The following CTNNA2 variants were observed in gnomAD, a reference collection of about 807,000 sequenced individuals.
The protein encoded by CTNNA2 is catenin alpha-2.
Under a neutral mutation model 101.0 loss-of-function variants are expected in CTNNA2, and 42 were observed. The observed-to-expected ratio is 0.42, with a 90% confidence interval of 0.32 to 0.54. The LOEUF (loss-of-function observed/expected upper bound fraction) is 0.54. Among genes scored for constraint, CTNNA2 ranks in the 20% least tolerant of loss-of-function variants. CTNNA2 has a pLI of 0.14. For missense variants in CTNNA2, 871 were observed against 1,223.1 expected, an observed-to-expected ratio of 0.71 and a Z score of 4.29; for synonymous variants, 450 against 456.4, an observed-to-expected ratio of 0.99 and a Z score of 0.18.
chr2:79,852,308 C>T (rs1180532294), intron 3 of CTNNA2, among the ~76,000 whole-genome samples: 1 of 152,020 alleles, frequency 6.6e-6, no homozygotes, highest in Non-Finnish European at 1.5e-5. Context: ...TTTTTTAGTT[C>T]TCTTAAGGAG....
chr2:80,202,055 A>G (rs1185146070), intron 7 of CTNNA2, among the ~76,000 whole-genome samples: 1 of 152,026 alleles, frequency 6.6e-6, no homozygotes, highest in African/African-American at 2.4e-5. Context: ...TATTTTCCCT[A>G]CTAGCTTCAA....
At chr2:79,566,104 CAGG>C (rs1473910539) in intron 1 of CTNNA2, among the ~76,000 whole-genome samples, 4 of 151,948 alleles carry the variant, frequency 2.6e-5, no homozygotes, top group Non-Finnish European at 5.9e-5. Context: ...AAGAAGCAAG[CAGG>C]AGAAGAACTA....
At chr2:79,515,191 G>A (rs181189157) in intron 1 of CTNNA2, among the ~76,000 whole-genome samples, 2 of 152,260 alleles carry the variant, frequency 1.3e-5, no homozygotes. Context: ...ACATCCTGAT[G>A]CAGATTGCAG....
rs185651141 is a variant in CTNNA2, at chr2:79,356,014, G to A, written c.-317-17817G>A. On this transcript the variant is annotated intron_variant, in intron 3 of 21. Coordinates refer to the CTNNA2 transcript ENST00000466387. ...TATATATAACTCTTTGTATAACCAC[G>A]TAACTGTTTACTAATGTGGCTGCAG... Among the ~76,000 whole-genome samples, 486 of 151,786 alleles carry A rather than the reference G, an allele frequency of 3.2e-3. 4 individuals are homozygous for A. The highest frequency in any genetic ancestry group is 0.01 in the African/African-American group (425 of 41,432).
chr2:80,225,960 T>C (rs1363638218), intron 7 of CTNNA2, among the ~76,000 whole-genome samples: 1 of 152,232 alleles, frequency 6.6e-6, no homozygotes, highest in Non-Finnish European at 1.5e-5. Flanking sequence ...TTGATCTCAA[T>C]TCAGAAAGAG....
intron 2 of CTNNA2, among the ~76,000 whole-genome samples, chr2:79,654,275 T>C (rs952568079): frequency 1.8e-4 from 27 of 152,224 alleles, no homozygotes; most frequent in Non-Finnish European, 3.4e-4. Flanking sequence ...TCTGTGTTAG[T>C]TTCCAATTGC....
chr2:80,099,969 G>A (rs543400637), intron 7 of CTNNA2, among the ~76,000 whole-genome samples: 19 of 151,948 alleles, frequency 1.3e-4, no homozygotes, highest in South Asian at 4.2e-4. Flanking sequence ...TTGCTCTGTC[G>A]CCCAGGCTGG....
intron 6 of CTNNA2, among the ~76,000 whole-genome samples, chr2:79,894,150 A>G (rs1339907695): frequency 6.6e-6 from 1 of 151,424 alleles, no homozygotes; most frequent in Admixed American, 6.6e-5. Context: ...TAATATAGCC[A>G]TTGAATCCAG....
intron 2 of CTNNA2, among the ~76,000 whole-genome samples, chr2:79,673,570 G>T (rs1457001592): frequency 6.6e-6 from 1 of 152,004 alleles, no homozygotes; most frequent in African/African-American, 2.4e-5. Context: ...ACAAAATAAG[G>T]AAACATTTTC....
rs150707038 is a variant in CTNNA2, at chr2:80,376,997, C to T, written c.1057-16214C>T. ...CCAGCATTTGCTCCCCATCTTTCCC[C>T]AGTAGAAGCTACCACGGTTGTCAGA... On this transcript the variant is annotated intron_variant, in intron 7 of 18. Transcript: ENST00000402739. 7.9e-3 allele frequency among the ~76,000 whole-genome samples: 1,196 copies of T among 152,318 alleles called. 18 individuals are homozygous for T. The highest frequency in any genetic ancestry group is 0.027 in the African/African-American group (1,122 of 41,570).
At chr2:80,130,351 A>T (rs190511066) in intron 7 of CTNNA2, among the ~76,000 whole-genome samples, 1 of 152,208 alleles carries the variant, frequency 6.6e-6, no homozygotes, top group Admixed American at 6.5e-5. Context: ...GAGCACATTC[A>T]AGGTAATTCC....
intron 9 of CTNNA2, among the ~76,000 whole-genome samples, chr2:80,510,011 A>G (rs1017139684): frequency 1.3e-5 from 2 of 152,168 alleles, no homozygotes; most frequent in Non-Finnish European, 1.5e-5. Context: ...TGACCTGCAT[A>G]TACTTCTGCC....
At chr2:80,384,297 A>G (rs1191496750) in intron 7 of CTNNA2, among the ~76,000 whole-genome samples, 1 of 152,088 alleles carries the variant, frequency 6.6e-6, no homozygotes, top group Non-Finnish European at 1.5e-5. Context: ...TTGGCACACT[A>G]CCTGCATGAC....
chr2:79,775,145 G>A (rs1043303488), intron 3 of CTNNA2, among the ~76,000 whole-genome samples: 1 of 152,078 alleles, frequency 6.6e-6, no homozygotes, highest in Non-Finnish European at 1.5e-5. Flanking sequence ...GGTTGACAAG[G>A]CATGAATGAC....
chr2:79,941,512 A>G (rs931619501), intron 7 of CTNNA2, among the ~76,000 whole-genome samples: 2 of 152,230 alleles, frequency 1.3e-5, no homozygotes, highest in African/African-American at 4.8e-5. Context: ...TTGCCCCACA[A>G]GTAGCAGGAA....
chr2:79,924,143 A>T (rs1004023370), intron 7 of CTNNA2, among the ~76,000 whole-genome samples: 1 of 152,164 alleles, frequency 6.6e-6, no homozygotes, highest in Non-Finnish European at 1.5e-5. Context: ...TTTAAAAAAA[A>T]GGAAATTCTG....
At chr2:80,508,382 G>T (rs1688437897) in intron 9 of CTNNA2, among the ~76,000 whole-genome samples, 1 of 152,164 alleles carries the variant, frequency 6.6e-6, no homozygotes, top group African/African-American at 2.4e-5. Context: ...CTACTCAAGA[G>T]GCTGAGGCAC....
At chr2:80,531,211 C>T (rs906065975) in intron 9 of CTNNA2, among the ~76,000 whole-genome samples, 7 of 152,172 alleles carry the variant, frequency 4.6e-5, no homozygotes, top group African/African-American at 1.7e-4. Context: ...CTTAGGAACC[C>T]TCTGGAGTTG....
intron 7 of CTNNA2, among the ~76,000 whole-genome samples, chr2:80,256,469 C>T (rs1282044616): frequency 6.6e-6 from 1 of 152,108 alleles, no homozygotes; most frequent in Middle Eastern, 3.2e-3. Context: ...CCTCTCTTTT[C>T]CAGAAACATC....
Sources: allele counts gnomAD v4.1 joint callset (sites outside exome capture counted in the v4.1 genomes callset), GRCh38; gene constraint gnomAD v4.1.1; transcripts MANE v1.5; gene names NCBI Gene and HGNC (gene_info 2026-07-23, HGNC 2026-07-21).